PHLDB1: variants seen among roughly 807,000 people sequenced by gnomAD.
PHLDB1 encodes pleckstrin homology like domain family B member 1, also known as pleckstrin homology-like domain family B member 1.
A neutral mutation model predicts 139.3 loss-of-function variants in PHLDB1; 65 were observed. The ratio of observed to expected loss-of-function variants is 0.47; its 90% CI spans 0.38 to 0.57. The LOEUF (loss-of-function observed/expected upper bound fraction) is 0.57. Among genes scored for constraint, PHLDB1 ranks in the 20% least tolerant of loss-of-function variants. The pLI is 0.00. For synonymous variants in PHLDB1, 679 were observed against 734.5 expected, an observed-to-expected ratio of 0.92 and a Z score of 1.22; for missense variants, 1,624 against 1,839.7, an observed-to-expected ratio of 0.88 and a Z score of 2.14.
At chr11:118,621,279 T>TGG (rs1432869261) in intron 4 of PHLDB1, 4 of 151,916 alleles carry the variant, frequency 2.6e-5, no homozygotes, top group African/African-American at 7.3e-5. Context: ...TCCATCCAGC[T>TGG]CTCCACTCGT....
intron 4 of PHLDB1, among the ~76,000 whole-genome samples, chr11:118,617,153 GTGCTCACCCTGGAAACAGGGTTC>G (rs1555090419): frequency 6.6e-6 from 1 of 152,212 alleles, no homozygotes; most frequent in East Asian, 1.9e-4. Context: ...CAGACCAGGT[GTGCTCACCCTGGAAACAGGGTTC>G]TGGGCATCAG....
intron 4 of PHLDB1, 191 bp from the exon 5 acceptor site, chr11:118,624,743 G>T: frequency 1.8e-6 from 1 of 555,652 alleles, no homozygotes; most frequent in Non-Finnish European, 3.2e-6. Context: ...CTGGGATTAT[G>T]GGATTACAGG....
Position 118,630,028 on chromosome 11 carries a change from G to GTTTTT in PHLDB1, c.1828-1165_1828-1161dup, listed in dbSNP as rs10578316. Reference sequence around the variant, plus strand: ...TCCCAGGTGCCGAGGCTCTGTTCCGGTTTTTTTTTTTTTTTTTTGCCATGG... The same window carrying GTTTTT: ...TCCCAGGTGCCGAGGCTCTGTTCCGGTTTTTTTTTTTTTTTTTTTTTTTGCCATGG... On this transcript the variant is annotated intron_variant, in intron 6 of 22. Transcript: ENST00000600882. 2.3e-5 allele frequency: 27 copies of GTTTTT among 1,197,470 alleles called. 1 individual carries two copies. The highest frequency in any genetic ancestry group is 1.2e-4 in the South Asian group (9 of 74,322). The allele number at this position is 1,197,470 out of a possible 1,614,324, so 74.2% of individuals were successfully genotyped here. A position where few individuals can be genotyped will look rare whatever the true frequency, so the allele number is the denominator to read the frequency against.
Position 118,631,249 on chromosome 11 carries a change from T to C in PHLDB1, c.1870T>C (p.Tyr624His). The C allele has an allele frequency of 1.4e-6, 2 of 1,466,808 alleles. No homozygotes were observed. The highest frequency in any genetic ancestry group is 1.8e-6 in the Non-Finnish European group (2 of 1,108,550). The allele number at this position is 1,466,808 out of a possible 1,614,324, so 90.9% of individuals were successfully genotyped here. Residue 624 changes from tyrosine to histidine, a missense_variant, in exon 7 of 23, where the codon TAC becomes CAC. Transcript: ENST00000600882. ...LETILNLCAE[Y>H]SRADGGPEAG... Reference sequence around the variant, plus strand: ...GACCATCCTGAACCTGTGTGCCGAATACAGCCGGGCTGATGGGGGACCTGA... The same window carrying C: ...GACCATCCTGAACCTGTGTGCCGAACACAGCCGGGCTGATGGGGGACCTGA...
rs554925590 is a variant in PHLDB1, at chr11:118,642,369, C to G, written c.2852C>G (p.Pro951Arg). The change falls in exon 13 of 23, where the codon CCC (proline) becomes CGC (arginine). Residue 951 changes from proline (P) to arginine (R), a missense_variant. Transcript: ENST00000600882. Reference protein sequence around the residue: ...ASPHSSPPPLPAKASRQLQVY... With the variant: ...ASPHSSPPPLRAKASRQLQVY... ...CCTCACTCTTCTCCCCCGCCTCTGC[C>G]CGCCAAAGCTTCCCGTCAGCTGCAG... The G allele has an allele frequency of 1.2e-6, 2 of 1,610,384 alleles. No individual in the cohort carries two copies. Among genetic ancestry groups the G allele is most frequent in the Non-Finnish European group, 1.7e-6 (2 of 1,179,984 alleles).
In PHLDB1 at chr11:118,628,546, C is replaced by T. The variant is rs1322122581; in HGVS notation, c.1723C>T (p.Arg575Trp). The change falls in exon 6 of 23, where the codon CGG becomes TGG. Residue 575 changes from arginine to tryptophan, a missense_variant. Physicochemically the swap from Arg to Trp is moderately radical, Grantham distance 101. Coordinates refer to ENST00000600882, the MANE Select transcript of PHLDB1 (RefSeq NM_001144758.3). ...CTTGCGGGTGCCTGTCACAAGGGAG[C>T]GGAAAAATAGCATCACAGAGATCAG... ...GDLRVPVTRE[R>W]KNSITEISDN... is the part of the protein sequence containing the mutation. 9.3e-6 allele frequency: 15 copies of T among 1,613,000 alleles called. No individual in the cohort carries two copies. The highest frequency in any genetic ancestry group is 9.3e-6 in the Non-Finnish European group (11 of 1,179,994).
At chr11:118,612,571 C>A (rs1434594224) in intron 1 of PHLDB1, among the ~76,000 whole-genome samples, 1 of 152,154 alleles carries the variant, frequency 6.6e-6, no homozygotes, top group Non-Finnish European at 1.5e-5. Context: ...TTGGGGTGGG[C>A]CCCAGCCTGG....
Position 118,632,930 on chromosome 11 carries a change from T to G in PHLDB1, c.2379+634T>G. 6 of 734,392 alleles carry G rather than the reference T, an allele frequency of 8.2e-6. No individual in the cohort carries two copies. The highest frequency in any genetic ancestry group is 1.0e-5 in the Non-Finnish European group (6 of 600,622). 45.5% of individuals were successfully genotyped at this position (734,392 alleles called of 1,614,324 possible). A position where few individuals can be genotyped will look rare whatever the true frequency, so the allele number is the denominator to read the frequency against. ...TTTTCCAATAATTTAATTTTCCTTCTGGATTTTTTGAGTTTCTTCCTCCTG... is the reference window on the plus strand; with the variant it reads ...TTTTCCAATAATTTAATTTTCCTTCGGGATTTTTTGAGTTTCTTCCTCCTG... On this transcript the variant is annotated intron_variant, in intron 9 of 22. Coordinates refer to ENST00000600882, the MANE Select transcript of PHLDB1 (RefSeq NM_001144758.3). The surrounding 1 kb of genome is among the most constrained non-coding windows in gnomAD (Gnocchi z 5.9).
rs201390977 is a variant in PHLDB1 at position 118,631,233 on chromosome 11, G to A, written c.1854G>A (p.Leu618=). 14 of 1,451,292 alleles carry A rather than the reference G, an allele frequency of 9.6e-6. No homozygotes were observed. The highest frequency in any genetic ancestry group is 1.2e-5 in the Non-Finnish European group (13 of 1,100,072). 89.9% of individuals were successfully genotyped at this position (1,451,292 alleles called of 1,614,324 possible). A position where few individuals can be genotyped will look rare whatever the true frequency, so the allele number is the denominator to read the frequency against. The part of the protein sequence containing the change: ...RLERQRLETI[L]NLCAEYSRAD... Reference sequence around the variant, plus strand: ...AACGCCAGCGCCTGGAGACCATCCTGAACCTGTGTGCCGAATACAGCCGGG... The same window carrying A: ...AACGCCAGCGCCTGGAGACCATCCTAAACCTGTGTGCCGAATACAGCCGGG... The change falls in exon 7 of 23, where the codon CTG becomes CTA. Residue 618 remains leucine, a synonymous_variant. Coordinates refer to ENST00000600882, the MANE Select transcript of PHLDB1 (RefSeq NM_001144758.3).
chr11:118,627,690 C>T lies in PHLDB1; in HGVS notation c.867C>T (p.Ser289=). 6.2e-7 allele frequency: 1 copy of T among 1,610,792 alleles called. No homozygotes were observed. Among genetic ancestry groups the T allele is most frequent in the Non-Finnish European group, 8.5e-7 (1 of 1,180,026 alleles). ...TGCCCCCGCTGGTACCTGCCCGTTCCTCCAGCTACCATCTGGCCCTACAGC... is the reference window on the plus strand; with the variant it reads ...TGCCCCCGCTGGTACCTGCCCGTTCTTCCAGCTACCATCTGGCCCTACAGC... The part of the protein sequence containing the change: ...PSVPPLVPAR[S]SSYHLALQPP... Residue 289 remains serine (S), a synonymous_variant, in exon 6 of 23, where the codon TCC becomes TCT. Coordinates refer to ENST00000600882, the MANE Select transcript of PHLDB1 (RefSeq NM_001144758.3).
chr11:118,622,050 G>T (rs1942923631), intron 4 of PHLDB1, among the ~76,000 whole-genome samples: 1 of 152,114 alleles, frequency 6.6e-6, no homozygotes, highest in Non-Finnish European at 1.5e-5. Flanking sequence ...TGTTTGTGTT[G>T]GTGTTTCTCC....
intron 5 of PHLDB1, among the ~76,000 whole-genome samples, chr11:118,625,821 G>A (rs1943753227): frequency 6.6e-6 from 1 of 152,168 alleles, no homozygotes; most frequent in Non-Finnish European, 1.5e-5. Flanking sequence ...CATCCCCTCT[G>A]ACTATATCCC....
rs1479091867 is a variant in PHLDB1 at position 118,650,686 on chromosome 11, G to A, written c.3874+139G>A. On this transcript the variant is annotated intron_variant, in intron 20 of 22. Coordinates refer to ENST00000600882, the MANE Select transcript of PHLDB1 (RefSeq NM_001144758.3). The surrounding 1 kb of genome is among the most constrained non-coding windows in gnomAD (Gnocchi z 4.7). ...GGGCTAGGCTTTGCCCTCCTTCCCT[G>A]AAAATGTACACAATGTACCTGGTTC... 5 of 632,392 alleles carry A rather than the reference G, an allele frequency of 7.9e-6. No individual in the cohort carries two copies. The highest frequency in any genetic ancestry group is 1.8e-5 in the African/African-American group (1 of 54,654). 39.2% of individuals were successfully genotyped at this position (632,392 alleles called of 1,614,324 possible).
At position 118,656,712 on chromosome 11, in the gene PHLDB1, A is replaced by G. The variant is rs1555142115; in HGVS notation, c.4023A>G (p.Val1341=). Residue 1341 remains valine (V), a synonymous_variant, in exon 23 of 23, where the codon GTA becomes GTG. Coordinates refer to ENST00000600882, the MANE Select transcript of PHLDB1 (RefSeq NM_001144758.3). The part of the protein sequence containing the change: ...ESPNPALTFC[V]KTHDRLYYMV... Reference sequence around the variant, plus strand: ...CGAACCCAGCCCTCACCTTCTGCGTAAAGACCCATGACCGGCTGTACTACA... The same window carrying G: ...CGAACCCAGCCCTCACCTTCTGCGTGAAGACCCATGACCGGCTGTACTACA... The G allele has an allele frequency of 1.2e-6, 2 of 1,613,964 alleles. No individual in the cohort carries two copies. The highest frequency in any genetic ancestry group is 4.5e-5 in the East Asian group (2 of 44,870).
chr11:118,655,760 C>G, intron 21 of PHLDB1, 70 bp downstream of exon 21: 1 of 1,500,424 alleles, frequency 6.7e-7, no homozygotes, highest in Middle Eastern at 1.7e-4. Flanking sequence ...TGGTGGGGCT[C>G]TGGGAGCAAA....
At chr11:118,624,115 G>A (rs1943386296) in intron 4 of PHLDB1, 1 of 152,172 alleles carries the variant, frequency 6.6e-6, no homozygotes, top group African/African-American at 2.4e-5. Flanking sequence ...GGCCAGGCTG[G>A]TCTCGAACTG....
intron 12 of PHLDB1, chr11:118,641,579 C>T: frequency 8.1e-7 from 1 of 1,240,350 alleles, no homozygotes; most frequent in Non-Finnish European, 1.0e-6. Flanking sequence ...CCATTAACCT[C>T]TTATATTCCC....
intron 10 of PHLDB1, among the ~76,000 whole-genome samples, chr11:118,635,781 A>G (rs912780601): frequency 6.6e-6 from 1 of 152,232 alleles, no homozygotes; most frequent in Admixed American, 6.5e-5. Context: ...GACTCCCCTC[A>G]GTCTTCCAGT....
chr11:118,615,925 A>C, intron 3 of PHLDB1, 116 bp from the exon 4 acceptor site: 4 of 840,334 alleles, frequency 4.8e-6, no homozygotes, highest in Non-Finnish European at 7.7e-6. Flanking sequence ...AGTGGTGGGC[A>C]GAGATTCTCC....
Sources: gnomAD v4.1 joint callset for allele counts (sites outside exome capture counted in the v4.1 genomes callset) on GRCh38, gnomAD v4.1.1 for gene constraint, Gnocchi (gnomAD v3.1) non-coding constraint, MANE v1.5 for transcripts, NCBI Gene and HGNC (gene_info 2026-07-23, HGNC 2026-07-21) for gene names.